CDC42BPB: variants seen among roughly 807,000 people sequenced by gnomAD.
The protein encoded by CDC42BPB is serine/threonine-protein kinase MRCK beta.
CDC42BPB carries 37 observed loss-of-function variants against 214.9 expected under a neutral mutation model. The observed-to-expected ratio is 0.17, with a 90% CI of 0.13 to 0.23. The LOEUF (loss-of-function observed/expected upper bound fraction) is 0.23. Ranked by LOEUF, CDC42BPB falls within the 10% of genes least tolerant of loss-of-function variation. CDC42BPB has a pLI of 1.00. For missense variants in CDC42BPB, 1,694 were observed against 2,227.0 expected, an observed-to-expected ratio of 0.76 and a Z score of 4.82; for synonymous variants, 931 against 884.0, an observed-to-expected ratio of 1.05 and a Z score of -0.94.
At chr14:102,978,291 A>C in intron 8 of CDC42BPB, 86 bp from the exon 9 acceptor site, 1 of 1,583,668 alleles carries the variant, frequency 6.3e-7, no homozygotes, top group Non-Finnish European at 8.6e-7. Flanking sequence ...TCATGGTGAC[A>C]GGAGGCACTG....
intron 1 of CDC42BPB, among the ~76,000 whole-genome samples, chr14:103,051,305 C>A (rs558380719): frequency 1.3e-5 from 2 of 151,902 alleles, no homozygotes; most frequent in African/African-American, 4.8e-5. Flanking sequence ...CCATAACATA[C>A]CGTCATCCCA....
rs947511798 is a variant in CDC42BPB at position 103,057,488 on chromosome 14, C to G, written c.-315G>C. 1 of 189,314 alleles carries G rather than the reference C, an allele frequency of 5.3e-6. No individual in the cohort carries two copies. Among genetic ancestry groups the G allele is most frequent in the East Asian group, 1.9e-4 (1 of 5,298 alleles). 11.7% of individuals were successfully genotyped at this position (189,314 alleles called of 1,614,324 possible). Reference sequence around the variant, plus strand: ...GCGGCCGCGCCCTCCCCGCCGCCGCCGCCGCAGACTAGGAGCGGCGAGGAG... The same window carrying G: ...GCGGCCGCGCCCTCCCCGCCGCCGCGGCCGCAGACTAGGAGCGGCGAGGAG... On this transcript the variant is annotated 5_prime_UTR_variant, in exon 1 of 37. Coordinates refer to ENST00000361246, the MANE Select transcript of CDC42BPB (RefSeq NM_006035.4).
At position 102,934,486 on chromosome 14, in the gene CDC42BPB, AC is replaced by A. The variant is rs1481114579; in HGVS notation, c.5005-644del. 7.2e-5 allele frequency among the ~76,000 whole-genome samples: 11 copies of A among 152,178 alleles called. No homozygotes were observed. The East Asian group carries it at 9.7e-4, about 13-fold the overall frequency. On this transcript the variant is annotated intron_variant, in intron 36 of 36. Transcript: ENST00000361246. ...GAGGCGGAGCTTGCAGTGAGCCGAG[AC>A]TGCACCACTGCACTCCAGCCTGGGC...
At chr14:103,007,680 C>G (rs1292068755) in intron 3 of CDC42BPB, among the ~76,000 whole-genome samples, 1 of 152,210 alleles carries the variant, frequency 6.6e-6, no homozygotes, top group Admixed American at 6.5e-5. Flanking sequence ...CACGGGGCCA[C>G]AGCAAACCAT....
chr14:103,011,240 G>C (rs1402455669), intron 2 of CDC42BPB, among the ~76,000 whole-genome samples: 2 of 152,238 alleles, frequency 1.3e-5, no homozygotes, highest in Non-Finnish European at 2.9e-5. Context: ...CCCCATACAA[G>C]GGACCTGGTG....
intron 7 of CDC42BPB, among the ~76,000 whole-genome samples, chr14:102,981,688 A>G (rs1894008969): frequency 6.6e-6 from 1 of 152,118 alleles, no homozygotes; most frequent in African/African-American, 2.4e-5. Flanking sequence ...GAGGCACGAG[A>G]ATCGCTTAAA....
chr14:102,970,040 G>A (rs977399381), intron 14 of CDC42BPB, 111 bp downstream of exon 14: 9 of 824,222 alleles, frequency 1.1e-5, no homozygotes, highest in South Asian at 1.7e-5. Context: ...GAACAGCCTC[G>A]GGTGACACTC....
intron 36 of CDC42BPB, among the ~76,000 whole-genome samples, chr14:102,936,007 TA>T (rs1168956702): frequency 6.6e-6 from 1 of 152,152 alleles, no homozygotes; most frequent in Non-Finnish European, 1.5e-5. Flanking sequence ...GAAAAGATGC[TA>T]AACATAAGTC....
chr14:103,023,517 G>T (rs1179363167), intron 1 of CDC42BPB, among the ~76,000 whole-genome samples: 1 of 152,018 alleles, frequency 6.6e-6, no homozygotes, highest in East Asian at 1.9e-4. Flanking sequence ...ATGTTGCCCA[G>T]ACTGGTTTCA....
intron 1 of CDC42BPB, among the ~76,000 whole-genome samples, chr14:103,051,988 C>G (rs552979515): frequency 7.2e-5 from 11 of 152,008 alleles, no homozygotes; most frequent in Non-Finnish European, 2.9e-5. Flanking sequence ...TGGGACTATG[C>G]GTGCCACCAC....
intron 1 of CDC42BPB, among the ~76,000 whole-genome samples, chr14:103,030,609 T>C (rs1482265785): frequency 6.6e-6 from 1 of 152,058 alleles, no homozygotes; most frequent in Non-Finnish European, 1.5e-5. Context: ...GGCGGGAGGA[T>C]CACTTCGACC....
rs527909458 is a variant in CDC42BPB, at chr14:103,022,993, A to AT, written c.176-10806dup. 8.9e-4 allele frequency among the ~76,000 whole-genome samples: 134 copies of AT among 150,018 alleles called. No homozygotes were observed. In the Middle Eastern group the frequency reaches 0.01, roughly 12 times the overall value. On this transcript the variant is annotated intron_variant, in intron 1 of 36. Coordinates refer to ENST00000361246, the MANE Select transcript of CDC42BPB (RefSeq NM_006035.4). The stretch of plus-strand genomic sequence containing the variant: ...AAAGCAGCAACCCACAGATATAGCT[A>AT]TTTTTTTTCTTTTCTTTTCCTTTTC...
chr14:102,980,734 C>G (rs1724319825), intron 8 of CDC42BPB, 39 bp downstream of exon 8: 1 of 1,606,652 alleles, frequency 6.2e-7, no homozygotes, highest in Admixed American at 1.7e-5. Flanking sequence ...ATGTCAGACC[C>G]ACAGCCAGCA....
In CDC42BPB at chr14:102,933,378, C is replaced by CGTCATGACGG. The variant is rs1291778612; in HGVS notation, c.*324_*333dup. Reference sequence around the variant, plus strand: ...CAGATGTCTGCTTCCGAAGCAGCCGCGTCATGACGGGTTTCTGCTGAGGAA... The same window carrying CGTCATGACGG: ...CAGATGTCTGCTTCCGAAGCAGCCGCGTCATGACGGGTCATGACGGGTTTCTGCTGAGGAA... On this transcript the variant is annotated 3_prime_UTR_variant, in exon 37 of 37. Coordinates refer to ENST00000361246, the MANE Select transcript of CDC42BPB (RefSeq NM_006035.4). 3 of 235,914 alleles carry CGTCATGACGG rather than the reference C, an allele frequency of 1.3e-5. No homozygotes were observed. The highest frequency in any genetic ancestry group is 2.4e-5 in the Non-Finnish European group (3 of 122,812). 14.6% of individuals were successfully genotyped at this position (235,914 alleles called of 1,614,324 possible).
chr14:103,045,817 C>A (rs1481684274), intron 1 of CDC42BPB, among the ~76,000 whole-genome samples: 1 of 152,162 alleles, frequency 6.6e-6, no homozygotes, highest in Non-Finnish European at 1.5e-5. Context: ...AATCACACTG[C>A]CACGAGCCTC....
chr14:102,955,260 T>G (rs1211111688), intron 21 of CDC42BPB, among the ~76,000 whole-genome samples: 1 of 152,048 alleles, frequency 6.6e-6, no homozygotes, highest in African/African-American at 2.4e-5. Flanking sequence ...CCGTCTCTAC[T>G]AAAAATACAA....
intron 1 of CDC42BPB, among the ~76,000 whole-genome samples, chr14:103,040,528 G>A (rs956524786): frequency 2.6e-5 from 4 of 151,274 alleles, no homozygotes; most frequent in Non-Finnish European, 4.4e-5. Context: ...GCGTGATCTC[G>A]ACTCACTGCA....
At chr14:103,022,661 AG>A (rs1445970159) in intron 1 of CDC42BPB, among the ~76,000 whole-genome samples, 1 of 152,190 alleles carries the variant, frequency 6.6e-6, no homozygotes, top group Non-Finnish European at 1.5e-5. Context: ...TCCAGCTGTT[AG>A]GGGGCAGGGT....
intron 9 of CDC42BPB, among the ~76,000 whole-genome samples, chr14:102,977,906 A>G (rs139314075): frequency 2.6e-5 from 4 of 152,318 alleles, no homozygotes; most frequent in East Asian, 1.9e-4. Context: ...TACGACCTGG[A>G]TATCTGTAGA....
Sources: allele counts gnomAD v4.1 joint callset (sites outside exome capture counted in the v4.1 genomes callset), GRCh38; gene constraint gnomAD v4.1.1; transcripts MANE v1.5; gene names NCBI Gene and HGNC (gene_info 2026-07-23, HGNC 2026-07-21).